The following MCF2L2 variants were observed in gnomAD, a reference collection of about 807,000 sequenced individuals.
MCF2L2 encodes MCF.2 cell line derived transforming sequence-like 2.
MCF2L2 carries 102 observed loss-of-function variants against 150.2 expected under a neutral mutation model. The observed-to-expected ratio is 0.68, with a 90% CI of 0.58 to 0.80. The LOEUF is 0.80. MCF2L2 is among the 30% of genes least tolerant of loss of function. The pLI is 0.00. For missense variants in MCF2L2, 1,256 were observed against 1,372.8 expected (o/e 0.91, Z 1.34); for synonymous variants, 465 against 491.3 (o/e 0.95, Z 0.71).
intron 2 of MCF2L2, among the ~76,000 whole-genome samples, chr3:183,384,809 C>T (rs928204948): frequency 3.3e-5 from 5 of 152,182 alleles, no homozygotes; most frequent in Non-Finnish European, 5.9e-5. Flanking sequence ...AGGGTGGTTA[C>T]AGTTGGAGCT....
intron 3 of MCF2L2, among the ~76,000 whole-genome samples, chr3:183,349,657 AAACAGATGTTATCTCCTTTT>A (rs1199477311): frequency 6.6e-6 from 1 of 152,218 alleles, no homozygotes; most frequent in Non-Finnish European, 1.5e-5. Flanking sequence ...TAACCTAACG[AAACAGATGTTATCTCCTTTT>A]AACAGCAGAA....
Position 183,409,452 on chromosome 3 carries a change from T to C in MCF2L2, c.76+18450A>G, listed in dbSNP as rs1010701745. On this transcript the variant is annotated intron_variant, in intron 1 of 29. Transcript: ENST00000328913. Reference sequence around the variant, plus strand: ...GCCTCAAATTTCTCCTCCATATAAATAGACTGCACTTACCATTAAACTTAA... The same window carrying C: ...GCCTCAAATTTCTCCTCCATATAAACAGACTGCACTTACCATTAAACTTAA... 4.0e-5 allele frequency among the ~76,000 whole-genome samples: 6 copies of C among 151,828 alleles called. No individual in the cohort carries two copies. The East Asian group carries it at 5.8e-4, about 15-fold the overall frequency.
intron 11 of MCF2L2, chr3:183,298,178 C>G (rs1728636450): frequency 6.6e-6 from 1 of 152,094 alleles, no homozygotes; most frequent in Admixed American, 6.6e-5. Flanking sequence ...TCTAATTATT[C>G]AATTTTTAAA....
intron 3 of MCF2L2, chr3:183,375,598 T>G (rs368266060): frequency 6.6e-6 from 1 of 152,164 alleles, no homozygotes; most frequent in African/African-American, 2.4e-5. Context: ...TGGGCTCTCA[T>G]AGAGGTCTGC....
intron 21 of MCF2L2, among the ~76,000 whole-genome samples, chr3:183,218,405 G>T (rs894183910): frequency 1.3e-5 from 2 of 151,384 alleles, no homozygotes; most frequent in Non-Finnish European, 2.9e-5. Context: ...GGAGGCCGAG[G>T]GGGGGAGTGG....
chr3:183,224,309 G>T, intron 18 of MCF2L2, 119 bp from the exon 19 acceptor site: 1 of 664,368 alleles, frequency 1.5e-6, no homozygotes, highest in East Asian at 2.7e-5. Context: ...AAGGAATTGG[G>T]GGTGTACAGT....
At chr3:183,314,460 T>C (rs1351215738) in intron 7 of MCF2L2, among the ~76,000 whole-genome samples, 10 of 152,156 alleles carry the variant, frequency 6.6e-5, no homozygotes, top group Non-Finnish European at 4.4e-5. Flanking sequence ...AACAACTCCC[T>C]GGAGAAATAG....
At chr3:183,422,650 A>G (rs1219391490) in intron 1 of MCF2L2, among the ~76,000 whole-genome samples, 1 of 152,170 alleles carries the variant, frequency 6.6e-6, no homozygotes, top group Non-Finnish European at 1.5e-5. Flanking sequence ...GCAAGGGACT[A>G]TATCCCTTGA....
intron 1 of MCF2L2, among the ~76,000 whole-genome samples, chr3:183,425,503 C>A (rs192644910): frequency 2.6e-4 from 40 of 152,282 alleles, no homozygotes; most frequent in Admixed American, 9.8e-4. Context: ...AAAGAACAGG[C>A]AAGCATAGAG....
intron 25 of MCF2L2, among the ~76,000 whole-genome samples, chr3:183,203,626 T>C (rs1352705918): frequency 1.3e-5 from 2 of 152,186 alleles, no homozygotes; most frequent in Non-Finnish European, 2.9e-5. Context: ...TGACGCATAA[T>C]GGCAGTCTCA....
At chr3:183,403,254 A>C (rs1235165153) in intron 1 of MCF2L2, among the ~76,000 whole-genome samples, 1 of 151,744 alleles carries the variant, frequency 6.6e-6, no homozygotes, top group Non-Finnish European at 1.5e-5. Flanking sequence ...CCTGGGTAAC[A>C]GTGAGACTCC....
chr3:183,318,476 T>C (rs1317881496), intron 6 of MCF2L2, among the ~76,000 whole-genome samples: 1 of 152,202 alleles, frequency 6.6e-6, no homozygotes, highest in Non-Finnish European at 1.5e-5. Flanking sequence ...TAAAATAAAG[T>C]GATTGAGTCA....
intron 1 of MCF2L2, chr3:183,400,397 G>A (rs1333343425): frequency 1.3e-5 from 6 of 456,122 alleles, no homozygotes; most frequent in Non-Finnish European, 2.2e-5. Flanking sequence ...CTACTAAACG[G>A]TGATAGGCCC....
chr3:183,215,905 C>T (rs573544700), intron 22 of MCF2L2, 64 bp downstream of exon 22: 34 of 1,519,452 alleles, frequency 2.2e-5, no homozygotes, highest in Non-Finnish European at 2.9e-5. Flanking sequence ...CAGAGCATTT[C>T]CTCACTGTGT....
intron 5 of MCF2L2, among the ~76,000 whole-genome samples, chr3:183,334,658 TGGCAGG>T: frequency 6.6e-6 from 1 of 151,634 alleles, no homozygotes; most frequent in African/African-American, 2.4e-5. Flanking sequence ...CCGGATGTAA[TGGCAGG>T]CACCTGTAAT....
At chr3:183,387,088 T>G (rs750197922) in intron 2 of MCF2L2, among the ~76,000 whole-genome samples, 9 of 151,996 alleles carry the variant, frequency 5.9e-5, no homozygotes, top group African/African-American at 1.2e-4. Flanking sequence ...AAACCCCATC[T>G]CTACAAAAAA....
At chr3:183,251,288 G>C (rs1724511449) in intron 15 of MCF2L2, among the ~76,000 whole-genome samples, 1 of 152,196 alleles carries the variant, frequency 6.6e-6, no homozygotes, top group South Asian at 2.1e-4. Flanking sequence ...AAGCCACTCG[G>C]TTATCAGACC....
chr3:183,326,507 A>AC (rs1730040164), intron 5 of MCF2L2, among the ~76,000 whole-genome samples: 4 of 142,554 alleles, frequency 2.8e-5, no homozygotes. Flanking sequence ...AAAAAAAAAA[A>AC]AAAAAAAAAC....
chr3:183,368,535 G>C (rs769147499), intron 3 of MCF2L2, among the ~76,000 whole-genome samples: 3 of 152,068 alleles, frequency 2.0e-5, no homozygotes, highest in Non-Finnish European at 2.9e-5. Context: ...AGGCCGAGGC[G>C]GGCAAATCAC....
Sources: gnomAD v4.1 joint callset for allele counts (sites outside exome capture counted in the v4.1 genomes callset) on GRCh38, gnomAD v4.1.1 for gene constraint, MANE v1.5 for transcripts, NCBI Gene and HGNC (gene_info 2026-07-23, HGNC 2026-07-21) for gene names.